The following MECOM variants were observed in gnomAD, a reference collection of about 807,000 sequenced individuals.
The protein encoded by MECOM is histone-lysine N-methyltransferase MECOM.
Under a neutral mutation model 116.3 loss-of-function variants are expected in MECOM, and 13 were observed. The ratio of observed to expected loss-of-function variants is 0.11; its 90% CI spans 0.07 to 0.18. The LOEUF (loss-of-function observed/expected upper bound fraction) is 0.18. Ranked by LOEUF, MECOM falls within the 10% of genes least tolerant of loss-of-function variation. The probability of loss-of-function intolerance (pLI) is 1.00; values close to 1 mark genes in which losing one functional copy is unlikely to be tolerated. For missense variants in MECOM, 1,299 were observed against 1,509.0 expected (o/e 0.86, Z 2.31); for synonymous variants, 528 against 535.2 (o/e 0.99, Z 0.19).
At position 169,412,466 on chromosome 3, in the gene MECOM, C is replaced by T. The variant is rs1288755674; in HGVS notation, c.38-30942G>A. Among the ~76,000 whole-genome samples the T allele has an allele frequency of 2.0e-5, 3 of 152,146 alleles. No homozygotes were observed. In the East Asian group the frequency reaches 5.8e-4, roughly 29 times the overall value. ...TTCTCATCTGGCTTCTGTGACACTC[C>T]TTTGGCAATTCTTGCGTATGCCATC... On this transcript the variant is annotated intron_variant, in intron 1 of 16. Transcript: ENST00000651503.
intron 13 of MECOM, among the ~76,000 whole-genome samples, chr3:169,094,451 T>G (rs1042269544): frequency 6.6e-6 from 1 of 152,216 alleles, no homozygotes; most frequent in Non-Finnish European, 1.5e-5. Context: ...CAATCCCTTC[T>G]GCTAAATATG....
chr3:169,415,204 C>T (rs914589636), intron 1 of MECOM, among the ~76,000 whole-genome samples: 7 of 152,180 alleles, frequency 4.6e-5, no homozygotes, highest in Middle Eastern at 6.8e-3. Context: ...ACCCTACAAG[C>T]CAGAAAAAAG....
At chr3:169,266,095 A>T (rs1444261729) in intron 2 of MECOM, among the ~76,000 whole-genome samples, 1 of 152,214 alleles carries the variant, frequency 6.6e-6, no homozygotes. Context: ...GAGGATTTTT[A>T]CTTTGATAAT....
chr3:169,206,699 G>A (rs1198402440), intron 2 of MECOM, among the ~76,000 whole-genome samples: 1 of 150,320 alleles, frequency 6.7e-6, no homozygotes, highest in Non-Finnish European at 1.5e-5. Context: ...GTTGCAGTGA[G>A]CCGAGATTGC....
At chr3:169,262,089 C>A (rs965057421) in intron 2 of MECOM, among the ~76,000 whole-genome samples, 2 of 152,144 alleles carry the variant, frequency 1.3e-5, no homozygotes, top group African/African-American at 2.4e-5. Context: ...CTAATGGACA[C>A]GAGCCAAGAA....
At chr3:169,649,611 T>A (rs1278507211) in intron 1 of MECOM, among the ~76,000 whole-genome samples, 1 of 152,126 alleles carries the variant, frequency 6.6e-6, no homozygotes, top group Admixed American at 6.5e-5. Context: ...TAGGATTTAA[T>A]TCATCATGCC....
In MECOM at chr3:169,194,155, C is replaced by A. The variant is rs1176687099; in HGVS notation, c.376-50323G>T. On this transcript the variant is annotated intron_variant, in intron 2 of 16. Coordinates refer to ENST00000651503, the MANE Select transcript of MECOM (RefSeq NM_004991.4). ...ATAAGCATGATTTGGGGAACAAGTGCAATTTTCTGATAAAGGACCAACAAG... is the reference window on the plus strand; with the variant it reads ...ATAAGCATGATTTGGGGAACAAGTGAAATTTTCTGATAAAGGACCAACAAG... Among the ~76,000 whole-genome samples, 3 of 152,018 alleles carry A rather than the reference C, an allele frequency of 2.0e-5. No individual in the cohort carries two copies. The East Asian group carries it at 5.8e-4, about 29-fold the overall frequency.
intron 1 of MECOM, among the ~76,000 whole-genome samples, chr3:169,383,994 C>A (rs182264651): frequency 1.3e-5 from 2 of 152,276 alleles, no homozygotes; most frequent in East Asian, 3.9e-4. Flanking sequence ...CACTAGTATT[C>A]TCTTCCTTGA....
At chr3:169,404,799 GT>G (rs1736424675) in intron 1 of MECOM, among the ~76,000 whole-genome samples, 1 of 152,144 alleles carries the variant, frequency 6.6e-6, no homozygotes, top group Non-Finnish European at 1.5e-5. Context: ...CACCAAAACC[GT>G]GTGAATTTCC....
At chr3:169,483,880 C>T in intron 1 of MECOM, 2 of 1,610,694 alleles carry the variant, frequency 1.2e-6, no homozygotes. Context: ...ATGGTCACCA[C>T]CCCTCCACCA....
chr3:169,251,354 T>C (rs2149584401), intron 2 of MECOM, among the ~76,000 whole-genome samples: 1 of 152,314 alleles, frequency 6.6e-6, no homozygotes, highest in East Asian at 1.9e-4. Context: ...CAAGGTTTTA[T>C]AGTTCAGCTG....
intron 2 of MECOM, among the ~76,000 whole-genome samples, chr3:169,173,941 T>C (rs916096478): frequency 6.6e-6 from 1 of 152,212 alleles, no homozygotes; most frequent in African/African-American, 2.4e-5. Flanking sequence ...TAAGTACTAA[T>C]GGGATTGTAA....
At chr3:169,276,092 T>A (rs977417671) in intron 2 of MECOM, among the ~76,000 whole-genome samples, 2 of 152,188 alleles carry the variant, frequency 1.3e-5, no homozygotes, top group Non-Finnish European at 1.5e-5. Flanking sequence ...AACACTGCAT[T>A]TGTCTGCCAT....
chr3:169,560,402 T>C (rs1397523732), intron 1 of MECOM, among the ~76,000 whole-genome samples: 3 of 152,178 alleles, frequency 2.0e-5, no homozygotes, highest in Non-Finnish European at 1.5e-5. Flanking sequence ...TCTTGAACCC[T>C]GCTTTCTTAG....
intron 1 of MECOM, among the ~76,000 whole-genome samples, chr3:169,585,991 T>C (rs1765729424): frequency 6.6e-6 from 1 of 152,200 alleles, no homozygotes; most frequent in Admixed American, 6.5e-5. Flanking sequence ...CATATTCCTA[T>C]GCAAGACTCT....
At chr3:169,516,142 C>A (rs781342389) in intron 1 of MECOM, among the ~76,000 whole-genome samples, 3 of 152,134 alleles carry the variant, frequency 2.0e-5, no homozygotes, top group Non-Finnish European at 4.4e-5. Context: ...TAATGTTCAA[C>A]TTCATGAAAA....
At chr3:169,370,122 G>A (rs1729846754) in intron 2 of MECOM, among the ~76,000 whole-genome samples, 1 of 151,756 alleles carries the variant, frequency 6.6e-6, no homozygotes, top group Non-Finnish European at 1.5e-5. Context: ...GGGTCCTAGG[G>A]GAGAAATACT....
At chr3:169,359,461 C>T (rs1213055476) in intron 2 of MECOM, among the ~76,000 whole-genome samples, 1 of 151,678 alleles carries the variant, frequency 6.6e-6, no homozygotes. Flanking sequence ...ACATCATATA[C>T]CACCTCAGTA....
At chr3:169,267,887 T>C (rs1758506845) in intron 2 of MECOM, among the ~76,000 whole-genome samples, 1 of 152,082 alleles carries the variant, frequency 6.6e-6, no homozygotes, top group Non-Finnish European at 1.5e-5. Flanking sequence ...ACTCCCATAA[T>C]TTTGTCTTAC....
Sources: gnomAD v4.1 joint callset for allele counts (sites outside exome capture counted in the v4.1 genomes callset) on GRCh38, gnomAD v4.1.1 for gene constraint, MANE v1.5 for transcripts, NCBI Gene and HGNC (gene_info 2026-07-23, HGNC 2026-07-21) for gene names.